Variants in NPLOC4 observed in about 807,000 individuals in gnomAD.
The protein encoded by NPLOC4 is nuclear protein localization protein 4 homolog.
In NPLOC4, 18 loss-of-function variants were observed where a neutral mutation model predicts 80.6. That is an observed-to-expected ratio of 0.22 (90% CI 0.15 to 0.33). The LOEUF (loss-of-function observed/expected upper bound fraction) is 0.33. Among genes scored for constraint, NPLOC4 ranks in the 10% least tolerant of loss-of-function variants. NPLOC4 has a pLI of 1.00. For missense variants in NPLOC4, 540 were observed against 786.1 expected (o/e 0.69, Z 3.74); for synonymous variants, 313 against 301.5 (o/e 1.04, Z -0.39).
chr17:81,590,773 A>G (rs1460210853), intron 11 of NPLOC4, among the ~76,000 whole-genome samples: 5 of 152,370 alleles, frequency 3.3e-5, no homozygotes, highest in Admixed American at 3.3e-4. Flanking sequence ...AACATGCATC[A>G]GAAAGCAAAC....
In NPLOC4 at chr17:81,608,801, TTAGA is replaced by T; in HGVS notation, c.453_456del (p.Tyr151Ter). 1 of 1,587,344 alleles carries T rather than the reference TTAGA, an allele frequency of 6.3e-7. No individual in the cohort carries two copies. The highest frequency in any genetic ancestry group is 8.6e-7 in the Non-Finnish European group (1 of 1,166,474). On this transcript the variant is annotated frameshift_variant, in exon 6 of 17. Coordinates refer to ENST00000331134, the MANE Select transcript of NPLOC4 (RefSeq NM_017921.4). LOFTEE classifies it high-confidence loss of function. ...TGCTTCACGGGAGGCTCGAGATGGT[TTAGA>T]TAGTCCTCATCGAATGGCTGCCAAG...
Position 81,597,373 on chromosome 17 carries a change from G to C in NPLOC4, c.922-57C>G. ...TCCTCAAGATAGACGATGAATGGCT[G>C]GGCGCAGTGACTCACGCCTATAATC... is the stretch of plus-strand genomic sequence containing the variant. On this transcript the variant is annotated intron_variant, in intron 9 of 16. Coordinates refer to ENST00000331134, the MANE Select transcript of NPLOC4 (RefSeq NM_017921.4). 2.2e-6 allele frequency: 3 copies of C among 1,381,024 alleles called. No homozygotes were observed. In the Admixed American group the frequency reaches 5.0e-5, roughly 23 times the overall value. 85.5% of individuals were successfully genotyped at this position (1,381,024 alleles called of 1,614,324 possible).
At chr17:81,605,669 GC>G (rs912228518) in intron 7 of NPLOC4, among the ~76,000 whole-genome samples, 5 of 151,566 alleles carry the variant, frequency 3.3e-5, no homozygotes, top group Non-Finnish European at 7.4e-5. Context: ...AAAATGCTCT[GC>G]CCTTTAGACC....
intron 12 of NPLOC4, among the ~76,000 whole-genome samples, chr17:81,578,935 T>C (rs968867941): frequency 2.0e-5 from 3 of 152,264 alleles, no homozygotes; most frequent in Non-Finnish European, 4.4e-5. Flanking sequence ...TATTTATTTA[T>C]TTAGAGACAG....
At chr17:81,631,066 G>A (rs775806336) in intron 1 of NPLOC4, among the ~76,000 whole-genome samples, 44 of 151,848 alleles carry the variant, frequency 2.9e-4, no homozygotes, top group Non-Finnish European at 4.4e-4. Context: ...CCAGCTACCC[G>A]GGAGGCTGAG....
chr17:81,574,912 C>T (rs1454735690), intron 12 of NPLOC4, among the ~76,000 whole-genome samples: 1 of 152,016 alleles, frequency 6.6e-6, no homozygotes, highest in East Asian at 1.9e-4. Context: ...AACACAAAAG[C>T]ATGTGGGCTT....
At chr17:81,635,974 ATTTTT>A (rs11375745) in intron 1 of NPLOC4, among the ~76,000 whole-genome samples, 3 of 141,686 alleles carry the variant, frequency 2.1e-5, no homozygotes, top group South Asian at 2.2e-4. Flanking sequence ...GTGTGTGACA[ATTTTT>A]TTTTTTTTTT....
At chr17:81,568,149 C>A (rs1365021048) in intron 14 of NPLOC4, 1 of 152,254 alleles carries the variant, frequency 6.6e-6, no homozygotes, top group Non-Finnish European at 1.5e-5. Flanking sequence ...GCGCCCTGGT[C>A]CCCCGGTGGA....
chr17:81,604,739 A>T lies in NPLOC4; in HGVS notation c.655-12T>A. On this transcript the variant is annotated splice_polypyrimidine_tract_variant and intron_variant, in intron 7 of 16. Coordinates refer to ENST00000331134, the MANE Select transcript of NPLOC4 (RefSeq NM_017921.4). ...ACATGCCTGTACTTCTGTAGAGTTA[A>T]CAAGAGTGGGCTGATGAAAACATGC... The T allele has an allele frequency of 6.2e-7, 1 of 1,606,492 alleles. No individual in the cohort carries two copies. The highest frequency in any genetic ancestry group is 8.5e-7 in the Non-Finnish European group (1 of 1,176,072).
chr17:81,635,857 CAGTT>C (rs769377555), intron 1 of NPLOC4, among the ~76,000 whole-genome samples: 56 of 152,302 alleles, frequency 3.7e-4, no homozygotes, highest in Middle Eastern at 3.4e-3. Context: ...GTCCAATGGT[CAGTT>C]AGTTTTTTTC....
chr17:81,629,082 G>GTTAGC (rs1568168830), intron 2 of NPLOC4, among the ~76,000 whole-genome samples: 1 of 151,822 alleles, frequency 6.6e-6, no homozygotes, highest in Non-Finnish European at 1.5e-5. Context: ...GTTTCACCAT[G>GTTAGC]TTAGCCAGGA....
intron 3 of NPLOC4, among the ~76,000 whole-genome samples, chr17:81,616,315 T>C (rs7503870): frequency 0.54 from 66,675 of 122,484 alleles, 18,730 homozygotes; most frequent in East Asian, 0.79. Context: ...AGCAAGACTC[T>C]GTCTCAAAAA....
At chr17:81,579,879 ATTCTCCTCTGTGAGCTCACCCCCC>A (rs2034393885) in intron 12 of NPLOC4, among the ~76,000 whole-genome samples, 1 of 126,674 alleles carries the variant, frequency 7.9e-6, no homozygotes, top group South Asian at 2.3e-4. Context: ...CTCACCCCCC[ATTCTCCTCTGTGAGCTCACCCCCC>A]ATTCTCCTCT....
intron 1 of NPLOC4, among the ~76,000 whole-genome samples, chr17:81,630,695 A>G (rs2035905073): frequency 6.6e-6 from 1 of 152,122 alleles, no homozygotes; most frequent in Non-Finnish European, 1.5e-5. Context: ...AGTGGGCAAC[A>G]TGGGGAAACC....
intron 8 of NPLOC4, among the ~76,000 whole-genome samples, chr17:81,602,274 C>T (rs1219845241): frequency 6.6e-6 from 1 of 152,012 alleles, no homozygotes; most frequent in African/African-American, 2.4e-5. Context: ...TTGCCAAGCA[C>T]AATGGCTTAT....
intron 7 of NPLOC4, among the ~76,000 whole-genome samples, chr17:81,605,211 G>A (rs1391465618): frequency 2.0e-5 from 3 of 151,366 alleles, no homozygotes; most frequent in African/African-American, 4.9e-5. Context: ...AACCCGGGAG[G>A]TGGAGCTCGC....
intron 11 of NPLOC4, among the ~76,000 whole-genome samples, chr17:81,595,173 G>C (rs2034865775): frequency 6.6e-6 from 1 of 151,960 alleles, no homozygotes; most frequent in Admixed American, 6.6e-5. Context: ...TATGATTACA[G>C]ATGTTGTAAT....
Position 81,606,829 on chromosome 17 carries a change from A to C in NPLOC4, c.531-15T>G. On this transcript the variant is annotated splice_polypyrimidine_tract_variant and intron_variant, in intron 6 of 16. Coordinates refer to ENST00000331134, the MANE Select transcript of NPLOC4 (RefSeq NM_017921.4). Reference sequence around the variant, plus strand: ...CAAACTTCCCCCTACATAGAAGAGAAGCAACTTAAACATCACATTGGTGAA... The same window carrying C: ...CAAACTTCCCCCTACATAGAAGAGACGCAACTTAAACATCACATTGGTGAA... 1 of 1,573,272 alleles carries C rather than the reference A, an allele frequency of 6.4e-7. No homozygotes were observed. Among genetic ancestry groups the C allele is most frequent in the South Asian group, 1.1e-5 (1 of 89,634 alleles).
At chr17:81,612,477 C>T (rs1312741241) in intron 4 of NPLOC4, among the ~76,000 whole-genome samples, 2 of 152,180 alleles carry the variant, frequency 1.3e-5, no homozygotes, top group Non-Finnish European at 2.9e-5. Flanking sequence ...ATGGCTATGG[C>T]TACAAAGTGG....
Sources: gnomAD v4.1 joint callset for allele counts (sites outside exome capture counted in the v4.1 genomes callset) on GRCh38, gnomAD v4.1.1 for gene constraint, MANE v1.5 for transcripts, NCBI Gene and HGNC (gene_info 2026-07-23, HGNC 2026-07-21) for gene names.